BCAS3: variants seen among roughly 807,000 people sequenced by gnomAD.
BCAS3 encodes BCAS4/BCAS3 fusion.
In BCAS3, 53 loss-of-function variants were observed where a neutral mutation model predicts 116.1. The observed-to-expected ratio is 0.46, with a 90% CI of 0.37 to 0.57. The LOEUF is 0.57. Among genes scored for constraint, BCAS3 ranks in the 20% least tolerant of loss-of-function variants. The pLI is 0.00. For missense variants in BCAS3, 917 were observed against 1,165.4 expected (o/e 0.79, Z 3.10); for synonymous variants, 391 against 408.2 (o/e 0.96, Z 0.51).
intron 2 of BCAS3, 65 bp from the exon 3 acceptor site, chr17:60,683,917 A>G: frequency 7.5e-7 from 1 of 1,340,250 alleles, no homozygotes; most frequent in Non-Finnish European, 1.1e-6. Flanking sequence ...GCTTGTAAAT[A>G]GAGCTTTTTT....
intron 22 of BCAS3, among the ~76,000 whole-genome samples, chr17:61,274,072 TA>T (rs1409975149): frequency 1.3e-5 from 2 of 151,204 alleles, no homozygotes; most frequent in Non-Finnish European, 3.0e-5. Flanking sequence ...ACTCGTCATT[TA>T]ACATTAGGTA....
intron 22 of BCAS3, among the ~76,000 whole-genome samples, chr17:61,237,898 T>A (rs2083189493): frequency 1.3e-5 from 2 of 152,146 alleles, no homozygotes; most frequent in Non-Finnish European, 2.9e-5. Flanking sequence ...GAAGCTTGAC[T>A]CTAATGGATC....
chr17:60,895,345 G>A (rs2057439226), intron 10 of BCAS3, among the ~76,000 whole-genome samples: 1 of 152,072 alleles, frequency 6.6e-6, no homozygotes, highest in African/African-American at 2.4e-5. Context: ...GATTTTCAGT[G>A]TATAGCTTTT....
chr17:60,796,583 T>C (rs1022358538), intron 6 of BCAS3, among the ~76,000 whole-genome samples: 1 of 152,238 alleles, frequency 6.6e-6, no homozygotes, highest in Non-Finnish European at 1.5e-5. Flanking sequence ...TTTCATTTCC[T>C]AGTGAGGTTA....
rs563011741 is a variant in BCAS3 at position 61,060,383 on chromosome 17, G to A, written c.2030-14537G>A. On this transcript the variant is annotated intron_variant, in intron 19 of 23. Transcript: ENST00000407086. The stretch of plus-strand genomic sequence containing the variant: ...ATCTCCTGACCTCATGAGCCACCCC[G>A]CTTGGCCTCCCAGAGTGCTGGGATT... Among the ~76,000 whole-genome samples, 150 of 151,114 alleles carry A rather than the reference G, an allele frequency of 9.9e-4. 1 individual carries two copies. Among genetic ancestry groups the A allele is most frequent in the Non-Finnish European group, 1.3e-3 (87 of 67,822 alleles).
chr17:60,895,679 T>A (rs764800015), intron 10 of BCAS3, among the ~76,000 whole-genome samples: 15 of 152,246 alleles, frequency 9.9e-5, no homozygotes, highest in Non-Finnish European at 2.1e-4. Flanking sequence ...TAGGCGTTTA[T>A]TGTTGTAAAC....
At chr17:60,925,575 G>A (rs1406595901) in intron 13 of BCAS3, among the ~76,000 whole-genome samples, 2 of 152,154 alleles carry the variant, frequency 1.3e-5, no homozygotes, top group African/African-American at 4.8e-5. Context: ...GTTGTAGAAT[G>A]GTGGGTTGTT....
chr17:60,952,336 T>TCCA (rs2145268439), intron 14 of BCAS3, among the ~76,000 whole-genome samples: 1 of 152,184 alleles, frequency 6.6e-6, no homozygotes, highest in South Asian at 2.1e-4. Context: ...TTTTTTTCTT[T>TCCA]TGAGACAGAG....
chr17:61,194,740 CAAAA>C (rs35551914), intron 22 of BCAS3, among the ~76,000 whole-genome samples: 3 of 122,902 alleles, frequency 2.4e-5, no homozygotes, highest in Admixed American at 8.3e-5. Flanking sequence ...GACTCTGTCT[CAAAA>C]AAAAAAAAAA....
chr17:60,755,081 G>T (rs1004845347), intron 6 of BCAS3, among the ~76,000 whole-genome samples: 1 of 152,126 alleles, frequency 6.6e-6, no homozygotes, highest in African/African-American at 2.4e-5. Flanking sequence ...TTAATGATTT[G>T]GGTCAGAGAA....
At chr17:61,331,462 G>A (rs1568870509) in intron 22 of BCAS3, among the ~76,000 whole-genome samples, 2 of 152,060 alleles carry the variant, frequency 1.3e-5, no homozygotes, top group Non-Finnish European at 2.9e-5. Context: ...AGGTCACCAG[G>A]TTCAAGCCCA....
chr17:60,772,573 G>C lies in BCAS3; in HGVS notation c.403+25294G>C, dbSNP rs909960300. Among the ~76,000 whole-genome samples the C allele has an allele frequency of 3.3e-5, 5 of 152,198 alleles. No individual in the cohort carries two copies. In the South Asian group the frequency reaches 8.3e-4, roughly 25 times the overall value. On this transcript the variant is annotated intron_variant, in intron 6 of 23. Transcript: ENST00000407086. ...CCAATTAGATCCCATTTGAGTGACG[G>C]ATATCTTTAAAAAGGCTTAACATAG...
rs781448154 is a variant in BCAS3, at chr17:61,346,036, GT to G, written c.2426-22289del. On this transcript the variant is annotated intron_variant, in intron 22 of 23. Coordinates refer to ENST00000407086, the MANE Select transcript of BCAS3 (RefSeq NM_017679.5). The surrounding 1 kb of genome is among the most constrained non-coding windows in gnomAD (Gnocchi z 5.4). Reference sequence around the variant, plus strand: ...GGTCAGTGAATTTAAGGCCAAAGGTGTTGGCTTGGTCATGCACCTGACATCA... The same window carrying G: ...GGTCAGTGAATTTAAGGCCAAAGGTGTGGCTTGGTCATGCACCTGACATCA... Among the ~76,000 whole-genome samples the G allele has an allele frequency of 6.6e-6, 1 of 152,178 alleles. No individual in the cohort carries two copies. The highest frequency in any genetic ancestry group is 1.5e-5 in the Non-Finnish European group (1 of 68,026).
chr17:61,182,068 T>C (rs978888914), intron 22 of BCAS3, among the ~76,000 whole-genome samples: 8 of 152,060 alleles, frequency 5.3e-5, no homozygotes, highest in African/African-American at 1.7e-4. Flanking sequence ...TGAGATGAGG[T>C]CCTACTGTTT....
rs1000578769 is a variant in BCAS3, at chr17:61,241,400, A to G, written c.2426-126927A>G. On this transcript the variant is annotated intron_variant, in intron 22 of 23. Transcript: ENST00000407086. The surrounding 1 kb of genome is among the most constrained non-coding windows in gnomAD (Gnocchi z 4.6). Reference sequence around the variant, plus strand: ...TATGCTAATGATGAAAGAGAAGTCAAAGTAAATAAGCTTAATAAAATAATA... The same window carrying G: ...TATGCTAATGATGAAAGAGAAGTCAGAGTAAATAAGCTTAATAAAATAATA... Among the ~76,000 whole-genome samples the G allele has an allele frequency of 2.6e-5, 4 of 152,002 alleles. No individual in the cohort carries two copies. Among genetic ancestry groups the G allele is most frequent in the African/African-American group, 9.7e-5 (4 of 41,394 alleles).
chr17:61,011,421 A>G (rs1309964691), intron 15 of BCAS3, among the ~76,000 whole-genome samples: 2 of 152,016 alleles, frequency 1.3e-5, no homozygotes, highest in African/African-American at 2.4e-5. Context: ...CTAAAGATCT[A>G]TTTTTAAAGT....
chr17:60,759,369 T>C (rs1207470824), intron 6 of BCAS3, among the ~76,000 whole-genome samples: 3 of 152,244 alleles, frequency 2.0e-5, no homozygotes, highest in African/African-American at 7.2e-5. Flanking sequence ...GAATGTTCTA[T>C]ACGTGCCTGT....
In BCAS3 at chr17:61,343,858, C is replaced by T. The variant is rs2057337948; in HGVS notation, c.2426-24469C>T. Among the ~76,000 whole-genome samples the T allele has an allele frequency of 6.6e-6, 1 of 152,218 alleles. No homozygotes were observed. The highest frequency in any genetic ancestry group is 6.5e-5 in the Admixed American group (1 of 15,286). On this transcript the variant is annotated intron_variant, in intron 22 of 23. Transcript: ENST00000407086. The surrounding 1 kb of genome is among the most constrained non-coding windows in gnomAD (Gnocchi z 5.5). ...TCTTTGCTCAGTTCTGCTCTGCAGC[C>T]CCCATGGCGACACCCTCTCTCTTTG...
At chr17:61,172,404 C>G (rs765782313) in intron 22 of BCAS3, among the ~76,000 whole-genome samples, 58 of 152,132 alleles carry the variant, frequency 3.8e-4, no homozygotes, top group Non-Finnish European at 7.2e-4. Context: ...GAGGCCGAGG[C>G]GGGCGGATCA....
Sources: allele counts gnomAD v4.1 joint callset (sites outside exome capture counted in the v4.1 genomes callset), GRCh38; gene constraint gnomAD v4.1.1; non-coding constraint Gnocchi (gnomAD v3.1); transcripts MANE v1.5; gene names NCBI Gene and HGNC (gene_info 2026-07-23, HGNC 2026-07-21).